Variants in TSPAN16 observed in about 807,000 individuals in gnomAD.
TSPAN16 encodes tetraspanin-16.
In TSPAN16, 23 loss-of-function variants were observed where a neutral mutation model predicts 25.2. That is an observed-to-expected ratio of 0.91 (90% CI 0.66 to 1.29). The LOEUF is 1.29. TSPAN16 is among the 50% of genes most tolerant of loss of function. TSPAN16 has a pLI of 0.00. For missense variants in TSPAN16, 272 were observed against 299.9 expected (o/e 0.91, Z 0.69); for synonymous variants, 123 against 124.4 (o/e 0.99, Z 0.08).
intron 6 of TSPAN16, chr19:11,322,345 AAAG>A (rs201877596): frequency 0.039 from 5,976 of 151,720 alleles, 149 homozygotes; most frequent in Non-Finnish European, 0.056. Flanking sequence ...GTCCCCCGAA[AAAG>A]AAGAAGAAAA....
At chr19:11,300,995 G>GC in intron 3 of TSPAN16, 1 of 536,000 alleles carries the variant, frequency 1.9e-6, no homozygotes, top group African/African-American at 1.9e-5. Context: ...CCAGACCCAC[G>GC]CGTCTCCCTG....
chr19:11,319,110 T>C (rs546621536), downstream of TSPAN16, among the ~76,000 whole-genome samples: 3 of 152,154 alleles, frequency 2.0e-5, no homozygotes, highest in Non-Finnish European at 4.4e-5. Context: ...AAGGGCTGAG[T>C]CCCACAAAAC....
chr19:11,303,577 TAA>T lies in TSPAN16; in HGVS notation c.450+2288_450+2289del, dbSNP rs1322861353. On this transcript the variant is annotated intron_variant, in intron 4 of 6. Transcript: ENST00000590327. ...ATAAAAAATAAATAAATAAATAAAT[TAA>T]AAAAAAAAAAAAAAAAAACTCCTGG... 1.8e-3 allele frequency among the ~76,000 whole-genome samples: 139 copies of T among 78,308 alleles called. 4 individuals are homozygous for T. Among genetic ancestry groups the T allele is most frequent in the Middle Eastern group, 7.2e-3 (1 of 138 alleles). The allele number at this position is 78,308 out of a possible 152,430, so 51.4% of individuals were successfully genotyped here. A position where few individuals can be genotyped will look rare whatever the true frequency, so the allele number is the denominator to read the frequency against.
chr19:11,314,716 A>G (rs2080727255), intron 6 of TSPAN16, among the ~76,000 whole-genome samples: 1 of 152,030 alleles, frequency 6.6e-6, no homozygotes, highest in Non-Finnish European at 1.5e-5. Flanking sequence ...GACATGGGGA[A>G]CTTTTATTTC....
chr19:11,312,575 T>C (rs956285957), intron 6 of TSPAN16, among the ~76,000 whole-genome samples: 1 of 151,752 alleles, frequency 6.6e-6, no homozygotes, highest in African/African-American at 2.4e-5. Flanking sequence ...CTGGGCAACA[T>C]AGTGAGACTC....
intron 4 of TSPAN16, among the ~76,000 whole-genome samples, chr19:11,305,306 G>C (rs1330787388): frequency 6.6e-6 from 1 of 152,024 alleles, no homozygotes; most frequent in Non-Finnish European, 1.5e-5. Flanking sequence ...GAGGCAGGTG[G>C]ATCACCTGAG....
At chr19:11,303,460 T>C (rs322155) in intron 4 of TSPAN16, among the ~76,000 whole-genome samples, 31,679 of 135,216 alleles carry the variant, frequency 0.23, 3,786 homozygotes, top group Middle Eastern at 0.28. Flanking sequence ...ACCAGAGACC[T>C]TTGTTCACTT....
At chr19:11,310,116 A>T (rs1394783044) in intron 5 of TSPAN16, among the ~76,000 whole-genome samples, 1 of 151,888 alleles carries the variant, frequency 6.6e-6, no homozygotes, top group African/African-American at 2.4e-5. Context: ...AAAAAAAAAA[A>T]CTATTATGTG....
chr19:11,319,429 C>G (rs193075738), downstream of TSPAN16, among the ~76,000 whole-genome samples: 1 of 152,224 alleles, frequency 6.6e-6, no homozygotes, highest in African/African-American at 2.4e-5. Flanking sequence ...GAAACCCCGT[C>G]TCTACTAAAA....
chr19:11,311,518 C>T (rs964232024), intron 5 of TSPAN16, among the ~76,000 whole-genome samples: 1 of 152,114 alleles, frequency 6.6e-6, no homozygotes, highest in Non-Finnish European at 1.5e-5. Context: ...GAAGCCTCGA[C>T]TGGCTGAGCT....
chr19:11,296,969 G>T (rs1018395078), intron 1 of TSPAN16, among the ~76,000 whole-genome samples: 1 of 152,176 alleles, frequency 6.6e-6, no homozygotes, highest in Non-Finnish European at 1.5e-5. Context: ...GAACCTGGGC[G>T]GCAGAGGTTG....
intron 3 of TSPAN16, among the ~76,000 whole-genome samples, chr19:11,299,985 G>GAAAAAAAAAAAAAAAAAAAAA (rs60293071): frequency 1.9e-5 from 2 of 107,756 alleles, no homozygotes; most frequent in African/African-American, 2.9e-5. Context: ...CTCAAAAAAA[G>GAAAAAAAAAAAAAAAAAAAAA]AAAAAAAAAA....
At chr19:11,325,572 A>C (rs1488265816) in intron 6 of TSPAN16, 1 of 1,609,876 alleles carries the variant, frequency 6.2e-7, no homozygotes, top group African/African-American at 1.3e-5. Context: ...CACTGGCTTC[A>C]AAGAACTCGA....
intron 4 of TSPAN16, among the ~76,000 whole-genome samples, chr19:11,302,246 C>T (rs1361344418): frequency 1.3e-5 from 2 of 152,020 alleles, no homozygotes; most frequent in East Asian, 1.9e-4. Flanking sequence ...TCCCATGAAA[C>T]GCTCACTCCA....
chr19:11,300,092 T>A (rs1383331674), intron 3 of TSPAN16, among the ~76,000 whole-genome samples: 1 of 152,130 alleles, frequency 6.6e-6, no homozygotes, highest in Non-Finnish European at 1.5e-5. Flanking sequence ...AGTGGAATCC[T>A]GTACATCAGG....
At chr19:11,314,938 C>T (rs1186587356) in intron 6 of TSPAN16, among the ~76,000 whole-genome samples, 7 of 151,840 alleles carry the variant, frequency 4.6e-5, no homozygotes, top group South Asian at 2.1e-4. Context: ...CGGGGAGGGC[C>T]GAAGTGGAGA....
rs147174604 is a variant in TSPAN16 at position 11,304,803 on chromosome 19, C to T, written c.451-1801C>T. Among the ~76,000 whole-genome samples, 136 of 152,124 alleles carry T rather than the reference C, an allele frequency of 8.9e-4. 1 individual carries two copies. Among genetic ancestry groups the T allele is most frequent in the African/African-American group, 3.1e-3 (128 of 41,512 alleles). ...CCTCCCAAAGTGCTGGGATTACAGGCGTGAGCCACTGTGCCCAGCCTAAAA... is the reference window on the plus strand; with the variant it reads ...CCTCCCAAAGTGCTGGGATTACAGGTGTGAGCCACTGTGCCCAGCCTAAAA... On this transcript the variant is annotated intron_variant, in intron 4 of 6. Transcript: ENST00000590327.
chr19:11,298,173 T>G lies in TSPAN16; in HGVS notation c.101T>G (p.Ile34Ser), dbSNP rs778811412. The change falls in exon 2 of 7, where the codon ATT becomes AGT. Residue 34 changes from isoleucine to serine, a missense_variant. Coordinates refer to ENST00000590327, the MANE Select transcript of TSPAN16 (RefSeq NM_001282509.2). ...VSGIILVGLG[I>S]GGKCGGASLT... is the part of the protein sequence containing the mutation. Reference sequence around the variant, plus strand: ...GGCATCATCCTAGTTGGCCTGGGCATTGGTGGTAAATGTGGAGGGGCCTCT... The same window carrying G: ...GGCATCATCCTAGTTGGCCTGGGCAGTGGTGGTAAATGTGGAGGGGCCTCT... The G allele has an allele frequency of 1.5e-5, 25 of 1,614,178 alleles. No homozygotes were observed. Among genetic ancestry groups the G allele is most frequent in the Non-Finnish European group, 1.9e-5 (23 of 1,180,020 alleles).
Position 11,300,958 on chromosome 19 carries a change from G to A in TSPAN16, c.343-243G>A, listed in dbSNP as rs140086038. 856 of 393,252 alleles carry A rather than the reference G, an allele frequency of 2.2e-3. 1 individual carries two copies. The highest frequency in any genetic ancestry group is 0.011 in the Middle Eastern group (15 of 1,374). 24.4% of individuals were successfully genotyped at this position (393,252 alleles called of 1,614,324 possible). On this transcript the variant is annotated intron_variant, in intron 3 of 6. Coordinates refer to ENST00000590327, the MANE Select transcript of TSPAN16 (RefSeq NM_001282509.2). The stretch of plus-strand genomic sequence containing the variant: ...GAGCAGATGATTCAAATTCGTGTGC[G>A]ATGGGTACAGAGAGATACGCTTGGC...
Sources: gnomAD v4.1 joint callset for allele counts (sites outside exome capture counted in the v4.1 genomes callset) on GRCh38, gnomAD v4.1.1 for gene constraint, MANE v1.5 for transcripts, NCBI Gene and HGNC (gene_info 2026-07-23, HGNC 2026-07-21) for gene names.